The following RALGAPB variants were observed in gnomAD, a reference collection of about 807,000 sequenced individuals.
The protein encoded by RALGAPB is Ral GTPase activating protein non-catalytic subunit beta.
Under a neutral mutation model 161.1 loss-of-function variants are expected in RALGAPB, and 25 were observed. That is an observed-to-expected ratio of 0.16 (90% CI 0.11 to 0.22). RALGAPB has a LOEUF of 0.22. RALGAPB is among the 10% of genes least tolerant of loss of function. RALGAPB has a pLI of 1.00. For missense variants in RALGAPB, 1,391 were observed against 1,815.2 expected, an observed-to-expected ratio of 0.77 and a Z score of 4.25; for synonymous variants, 629 against 626.1, an observed-to-expected ratio of 1.00 and a Z score of -0.07.
At chr20:38,510,251 C>T (rs756067337) in intron 6 of RALGAPB, among the ~76,000 whole-genome samples, 1 of 152,114 alleles carries the variant, frequency 6.6e-6, no homozygotes, top group Non-Finnish European at 1.5e-5. Flanking sequence ...AAGCAATCCA[C>T]CCACTTCAGC....
chr20:38,494,402 G>T (rs1339179331), intron 3 of RALGAPB, among the ~76,000 whole-genome samples: 1 of 152,212 alleles, frequency 6.6e-6, no homozygotes, highest in Non-Finnish European at 1.5e-5. Flanking sequence ...AGGCTGAGGC[G>T]GGTGGATCAC....
intron 10 of RALGAPB, among the ~76,000 whole-genome samples, chr20:38,523,290 T>C (rs1422778624): frequency 6.6e-6 from 1 of 152,240 alleles, no homozygotes; most frequent in Admixed American, 6.5e-5. Flanking sequence ...TCTAGTCAGC[T>C]ACAGTTGTGA....
chr20:38,555,262 T>A (rs892176929), intron 22 of RALGAPB, among the ~76,000 whole-genome samples: 1 of 152,244 alleles, frequency 6.6e-6, no homozygotes, highest in Non-Finnish European at 1.5e-5. Flanking sequence ...ATTGCATAAC[T>A]TGTCCCTTGC....
intron 25 of RALGAPB, among the ~76,000 whole-genome samples, chr20:38,566,567 G>A (rs1292772742): frequency 6.6e-6 from 1 of 152,164 alleles, no homozygotes; most frequent in African/African-American, 2.4e-5. Flanking sequence ...GATATTTGGG[G>A]ATTTTTTTGG....
Position 38,496,115 on chromosome 20 carries a change from T to G in RALGAPB, c.390-1238T>G, listed in dbSNP as rs376207482. On this transcript the variant is annotated intron_variant, in intron 3 of 29. Coordinates refer to ENST00000262879, the MANE Select transcript of RALGAPB (RefSeq NM_020336.4). Reference sequence around the variant, plus strand: ...TTACATGGACTAGATCCACCTTTACTAGATCCACCTTTAGCTGAATGTGGA... The same window carrying G: ...TTACATGGACTAGATCCACCTTTACGAGATCCACCTTTAGCTGAATGTGGA... Among the ~76,000 whole-genome samples, 244 of 152,294 alleles carry G rather than the reference T, an allele frequency of 1.6e-3. 2 individuals are homozygous for G. The highest frequency in any genetic ancestry group is 5.6e-3 in the African/African-American group (234 of 41,558).
rs73294768 is a variant in RALGAPB, at chr20:38,574,597, G to T, written c.4292-177G>T. Reference sequence around the variant, plus strand: ...TTTGATTCTCCTTTTCCTTGTCATTGTGTGTTTCTTCTGACAGTTTTATCT... The same window carrying T: ...TTTGATTCTCCTTTTCCTTGTCATTTTGTGTTTCTTCTGACAGTTTTATCT... On this transcript the variant is annotated intron_variant, in intron 29 of 29. Coordinates refer to ENST00000262879, the MANE Select transcript of RALGAPB (RefSeq NM_020336.4). 8.5e-3 allele frequency among the ~76,000 whole-genome samples: 1,300 copies of T among 152,272 alleles called. 17 individuals carry two copies. The highest frequency in any genetic ancestry group is 0.031 in the Middle Eastern group (9 of 294).
chr20:38,553,789 A>C (rs1601033745), intron 21 of RALGAPB, 78 bp from the exon 22 acceptor site: 11 of 804,494 alleles, frequency 1.4e-5, no homozygotes, highest in South Asian at 1.9e-5. Context: ...AAAAAAAAAA[A>C]AAAAAAAAAA....
At chr20:38,526,822 G>C (rs2086486683) in intron 13 of RALGAPB, among the ~76,000 whole-genome samples, 1 of 152,226 alleles carries the variant, frequency 6.6e-6, no homozygotes, top group South Asian at 2.1e-4. Context: ...CTGATGAACA[G>C]AGGAGCTCTT....
intron 24 of RALGAPB, among the ~76,000 whole-genome samples, chr20:38,564,440 A>G (rs2087909043): frequency 6.6e-6 from 1 of 152,210 alleles, no homozygotes; most frequent in East Asian, 1.9e-4. Context: ...CACCAGAATT[A>G]GGTATCTTCC....
chr20:38,494,436 G>GC (rs1198833796), intron 3 of RALGAPB, among the ~76,000 whole-genome samples: 1 of 152,184 alleles, frequency 6.6e-6, no homozygotes, highest in African/African-American at 2.4e-5. Flanking sequence ...TTCCAGACCA[G>GC]CCTGGCCAAC....
rs1466527348 is a variant in RALGAPB, at chr20:38,576,018, G to T, written c.*1051G>T. ...AACATGAGTGACCACCTCTTTGGGTGGCTACTGTTAGAAATGGCTGTTGTC... is the reference window on the plus strand; with the variant it reads ...AACATGAGTGACCACCTCTTTGGGTTGCTACTGTTAGAAATGGCTGTTGTC... On this transcript the variant is annotated 3_prime_UTR_variant, in exon 30 of 30. Transcript: ENST00000262879. The T allele has an allele frequency of 1.3e-5, 2 of 152,318 alleles. No homozygotes were observed. Among genetic ancestry groups the T allele is most frequent in the African/African-American group, 4.8e-5 (2 of 41,416 alleles). 9.4% of individuals were successfully genotyped at this position (152,318 alleles called of 1,614,324 possible).
intron 6 of RALGAPB, among the ~76,000 whole-genome samples, chr20:38,509,814 T>C (rs1568925683): frequency 6.6e-6 from 1 of 152,218 alleles, no homozygotes; most frequent in Admixed American, 6.5e-5. Context: ...GCATATCTTC[T>C]CTTTCTGGTT....
At chr20:38,484,227 A>G (rs1261972702) in intron 1 of RALGAPB, among the ~76,000 whole-genome samples, 1 of 152,166 alleles carries the variant, frequency 6.6e-6, no homozygotes, top group Non-Finnish European at 1.5e-5. Context: ...TACTGGGCCT[A>G]ATGGAACTCC....
intron 6 of RALGAPB, among the ~76,000 whole-genome samples, chr20:38,513,866 G>T (rs1367460134): frequency 1.3e-5 from 2 of 152,032 alleles, no homozygotes; most frequent in African/African-American, 4.8e-5. Flanking sequence ...TTTCTGAATT[G>T]TCTGTAGTTC....
intron 10 of RALGAPB, among the ~76,000 whole-genome samples, chr20:38,522,387 A>G (rs73292750): frequency 0.012 from 1,810 of 152,302 alleles, 38 homozygotes; most frequent in African/African-American, 0.042. Context: ...CTTCTTCTGT[A>G]TCTTTAGTTG....
At position 38,546,526 on chromosome 20, in the gene RALGAPB, T is replaced by A. The variant is rs78485895; in HGVS notation, c.2902+96T>A. 1,187 of 1,517,014 alleles carry A rather than the reference T, an allele frequency of 7.8e-4. 9 individuals carry two copies. In the African/African-American group the frequency reaches 0.015, roughly 19 times the overall value. 94.0% of individuals were successfully genotyped at this position (1,517,014 alleles called of 1,614,324 possible). ...GGATCAGGGAAGGACAGCCTACAGA[T>A]TCTAAGTAGGTCAGAAAGATTTCTA... On this transcript the variant is annotated intron_variant, in intron 19 of 29. Transcript: ENST00000262879.
intron 1 of RALGAPB, among the ~76,000 whole-genome samples, chr20:38,475,199 G>A (rs1014326956): frequency 2.6e-5 from 4 of 152,118 alleles, no homozygotes; most frequent in Admixed American, 6.5e-5. Flanking sequence ...GTGTTTAGTT[G>A]TCATCCACTA....
chr20:38,548,596 C>G, intron 19 of RALGAPB, 93 bp from the exon 20 acceptor site: 1 of 1,005,176 alleles, frequency 9.9e-7, no homozygotes, highest in Non-Finnish European at 1.5e-6. Flanking sequence ...ACTGTTGGGC[C>G]TTTGATTATG....
In RALGAPB at chr20:38,535,059, G is replaced by T. The variant is rs768546659; in HGVS notation, c.2246-15G>T. On this transcript the variant is annotated splice_polypyrimidine_tract_variant and intron_variant, in intron 15 of 29. Transcript: ENST00000262879. ...TTCCCTCCCTGTGGGATGTGGCATT[G>T]GGGTTATATCCTAGCTCTTAATACA... 55 of 1,612,592 alleles carry T rather than the reference G, an allele frequency of 3.4e-5. No individual in the cohort carries two copies. The Admixed American group carries it at 8.8e-4, about 26-fold the overall frequency.
Sources: allele counts gnomAD v4.1 joint callset (sites outside exome capture counted in the v4.1 genomes callset), GRCh38; gene constraint gnomAD v4.1.1; transcripts MANE v1.5; gene names NCBI Gene and HGNC (gene_info 2026-07-23, HGNC 2026-07-21).